Variants in ETV1 observed in about 807,000 individuals in gnomAD.
ETV1 encodes the protein ETS translocation variant 1.
In ETV1, 27 loss-of-function variants were observed where a neutral mutation model predicts 62.3. The ratio of observed to expected loss-of-function variants is 0.43; its 90% CI spans 0.32 to 0.60. The LOEUF (loss-of-function observed/expected upper bound fraction) is 0.60, where lower values mean the gene tolerates loss of function less well. Among genes scored for constraint, ETV1 ranks in the 20% least tolerant of loss-of-function variants. The probability of loss-of-function intolerance (pLI) is 0.06; values close to 1 mark genes in which losing one functional copy is unlikely to be tolerated. For synonymous variants in ETV1, 222 were observed against 199.6 expected (o/e 1.11, Z -0.94); for missense variants, 605 against 605.8 (o/e 1.00, Z 0.01).
At chr7:13,940,408 T>G (rs1198520427) in intron 6 of ETV1, among the ~76,000 whole-genome samples, 1 of 151,710 alleles carries the variant, frequency 6.6e-6, no homozygotes, top group Non-Finnish European at 1.5e-5. Context: ...AAGCTATATA[T>G]TTTTTATTCT....
chr7:13,936,003 G>C, intron 7 of ETV1, 107 bp from the exon 8 acceptor site: 1 of 876,800 alleles, frequency 1.1e-6, no homozygotes, highest in South Asian at 1.9e-5. Context: ...AAGTCAAATG[G>C]AAATGAAAAC....
intron 6 of ETV1, among the ~76,000 whole-genome samples, chr7:13,959,272 T>C (rs1396806328): frequency 1.3e-5 from 2 of 152,106 alleles, no homozygotes; most frequent in East Asian, 3.9e-4. Context: ...CACGGTTACC[T>C]GGTTATCAAT....
intron 13 of ETV1, among the ~76,000 whole-genome samples, chr7:13,897,416 T>G (rs1781962595): frequency 6.6e-6 from 1 of 152,234 alleles, no homozygotes; most frequent in Admixed American, 6.5e-5. Context: ...GAACATTTTT[T>G]GTTTCTTTTG....
At chr7:13,941,861 TCGAA>T (rs1404985333) in intron 6 of ETV1, among the ~76,000 whole-genome samples, 1 of 133,260 alleles carries the variant, frequency 7.5e-6, no homozygotes, top group East Asian at 2.4e-4. Flanking sequence ...AGATTCTGCC[TCGAA>T]TAAATAAATA....
At chr7:13,975,153 T>C (rs1484981163) in intron 6 of ETV1, 3 of 152,194 alleles carry the variant, frequency 2.0e-5, no homozygotes, top group African/African-American at 7.2e-5. Flanking sequence ...CTAACCACAT[T>C]TCGTGTGCTC....
rs1781511717 is a variant in ETV1 at position 13,893,395 on chromosome 7, G to GGGT, written c.*2470_*2471insACC. 4.3e-6 allele frequency: 1 copy of GGGT among 230,526 alleles called. No individual in the cohort carries two copies. Among genetic ancestry groups the GGGT allele is most frequent in the Admixed American group, 5.7e-5 (1 of 17,694 alleles). The allele number at this position is 230,526 out of a possible 1,614,324, so 14.3% of individuals were successfully genotyped here. A position where few individuals can be genotyped will look rare whatever the true frequency, so the allele number is the denominator to read the frequency against. ...TACATTTTTCAAAAGAGTTTATAATGTAATATTTTCAACCCTTCTGTATTG... is the reference window on the plus strand; with the variant it reads ...TACATTTTTCAAAAGAGTTTATAATGGGTTAATATTTTCAACCCTTCTGTATTG... On this transcript the variant is annotated 3_prime_UTR_variant, in exon 14 of 14. Transcript: ENST00000430479.
At chr7:13,913,637 C>A (rs956285066) in intron 9 of ETV1, among the ~76,000 whole-genome samples, 19 of 152,042 alleles carry the variant, frequency 1.2e-4, no homozygotes, top group African/African-American at 2.4e-5. Flanking sequence ...AGTACTTTAA[C>A]CACAGTACTT....
intron 6 of ETV1, among the ~76,000 whole-genome samples, chr7:13,972,968 T>C (rs1781056893): frequency 6.6e-6 from 1 of 152,166 alleles, no homozygotes; most frequent in South Asian, 2.1e-4. Context: ...CTTCAAAGGT[T>C]AGCAATCTAT....
At chr7:13,921,115 C>G (rs1210012236) in intron 9 of ETV1, among the ~76,000 whole-genome samples, 1 of 152,132 alleles carries the variant, frequency 6.6e-6, no homozygotes, top group Non-Finnish European at 1.5e-5. Context: ...TGATCCTACA[C>G]TTGAATTTCT....
At chr7:13,923,069 CTGAA>C (rs759088452) in intron 9 of ETV1, among the ~76,000 whole-genome samples, 1 of 152,138 alleles carries the variant, frequency 6.6e-6, no homozygotes, top group Non-Finnish European at 1.5e-5. Context: ...TTTTAGCCCT[CTGAA>C]TGTTGTTATT....
intron 9 of ETV1, among the ~76,000 whole-genome samples, chr7:13,928,016 T>C (rs1785629061): frequency 6.6e-6 from 1 of 152,160 alleles, no homozygotes; most frequent in Non-Finnish European, 1.5e-5. Context: ...ATACTTAACT[T>C]ACAAAAGAGA....
chr7:13,902,960 A>G lies in ETV1; in HGVS notation c.1111-2121T>C, dbSNP rs571535502. The stretch of plus-strand genomic sequence containing the variant: ...GTCATATTCCTCATAAAGTTGAGGT[A>G]AATGGGAGAGAGCAATATGCTTAAG... On this transcript the variant is annotated intron_variant, in intron 12 of 13. Coordinates refer to ENST00000430479, the MANE Select transcript of ETV1 (RefSeq NM_004956.5). Among the ~76,000 whole-genome samples the G allele has an allele frequency of 2.0e-5, 3 of 152,350 alleles. No individual in the cohort carries two copies. In the East Asian group the frequency reaches 5.8e-4, roughly 29 times the overall value.
intron 6 of ETV1, among the ~76,000 whole-genome samples, chr7:13,967,496 C>T (rs988327736): frequency 2.0e-5 from 3 of 151,916 alleles, no homozygotes; most frequent in African/African-American, 7.3e-5. Flanking sequence ...GATATATTGC[C>T]AATAATGGAG....
chr7:13,988,565 A>T (rs1286549874), intron 3 of ETV1: 1 of 73,718 alleles, frequency 1.4e-5, no homozygotes, highest in Admixed American at 4.3e-4. Flanking sequence ...CCACCCCCAC[A>T]AAAAAAAAAA....
intron 5 of ETV1, among the ~76,000 whole-genome samples, chr7:13,979,677 A>G (rs1781795580): frequency 6.6e-6 from 1 of 152,150 alleles, no homozygotes; most frequent in Non-Finnish European, 1.5e-5. Flanking sequence ...AGATGCAAAT[A>G]TATCAACCAC....
intron 6 of ETV1, among the ~76,000 whole-genome samples, chr7:13,955,590 TA>T (rs1441526844): frequency 2.6e-5 from 4 of 152,072 alleles, no homozygotes; most frequent in African/African-American, 9.7e-5. Flanking sequence ...TGGAGAGACT[TA>T]ACGGTGGCCA....
intron 9 of ETV1, among the ~76,000 whole-genome samples, chr7:13,917,854 C>G (rs1259560412): frequency 1.3e-5 from 2 of 151,832 alleles, no homozygotes; most frequent in Admixed American, 1.3e-4. Context: ...GTCCCAGCTA[C>G]TCGGGAGGCT....
chr7:13,913,904 A>G (rs1291435078), intron 9 of ETV1, among the ~76,000 whole-genome samples: 1 of 30,988 alleles, frequency 3.2e-5, no homozygotes, highest in Non-Finnish European at 6.4e-5. Flanking sequence ...TTTTTTTTTG[A>G]GACAGAGTCT....
At chr7:13,953,938 C>A (rs1475366228) in intron 6 of ETV1, among the ~76,000 whole-genome samples, 1 of 152,168 alleles carries the variant, frequency 6.6e-6, no homozygotes, top group Non-Finnish European at 1.5e-5. Flanking sequence ...TAAATATGAT[C>A]TTTAATTTTC....
Sources: allele counts gnomAD v4.1 joint callset (sites outside exome capture counted in the v4.1 genomes callset), GRCh38; gene constraint gnomAD v4.1.1; transcripts MANE v1.5; gene names NCBI Gene and HGNC (gene_info 2026-07-23, HGNC 2026-07-21).